The following SYCP2L variants were observed in gnomAD, a reference collection of about 807,000 sequenced individuals.
The protein encoded by SYCP2L is synaptonemal complex protein 2-like.
A neutral mutation model predicts 125.8 loss-of-function variants in SYCP2L; 98 were observed. The observed-to-expected ratio is 0.78, with a 90% CI of 0.66 to 0.92. The LOEUF is 0.92. SYCP2L is among the 40% of genes least tolerant of loss of function. The pLI, the probability that SYCP2L is intolerant of heterozygous loss-of-function variation, is 0.00. For missense variants in SYCP2L, 842 were observed against 936.4 expected (o/e 0.90, Z 1.32); for synonymous variants, 317 against 325.4 (o/e 0.97, Z 0.28).
rs1780483461 is a variant in SYCP2L at position 10,906,059 on chromosome 6, G to A, written c.676+5G>A. 1.9e-6 allele frequency: 3 copies of A among 1,581,968 alleles called. No individual in the cohort carries two copies. The highest frequency in any genetic ancestry group is 2.6e-6 in the Non-Finnish European group (3 of 1,152,586). On this transcript the variant is annotated splice_donor_5th_base_variant and intron_variant, in intron 9 of 29. Coordinates refer to ENST00000283141, the MANE Select transcript of SYCP2L (RefSeq NM_001040274.3). ...GGACACTCTTGACTGTGGGTGGTAA[G>A]AAATTTTAGAATTTTCAGTATTAGA... is the stretch of plus-strand genomic sequence containing the variant.
At position 10,954,069 on chromosome 6, in the gene SYCP2L, G is replaced by A. The variant is rs1219999727; in HGVS notation, c.1955-1047G>A. Among the ~76,000 whole-genome samples, 1 of 152,178 alleles carries A rather than the reference G, an allele frequency of 6.6e-6. No homozygotes were observed. The highest frequency in any genetic ancestry group is 1.5e-5 in the Non-Finnish European group (1 of 68,030). On this transcript the variant is annotated intron_variant, in intron 23 of 29. Transcript: ENST00000283141. The surrounding 1 kb of genome is among the most constrained non-coding windows in gnomAD (Gnocchi z 4.8). ...CCTCTCACTATCTGCCAGCCGCATC[G>A]CCCTGCCTCTCGCACATAGTAACGT... is the stretch of plus-strand genomic sequence containing the variant.
chr6:10,931,685 C>T (rs1045290624), intron 20 of SYCP2L, among the ~76,000 whole-genome samples, 196 bp downstream of exon 20: 1 of 152,128 alleles, frequency 6.6e-6, no homozygotes, highest in African/African-American at 2.4e-5. Context: ...GTGTTTTAGG[C>T]TGGGTGTGGT....
Position 10,887,079 on chromosome 6 carries a change from G to A in SYCP2L, c.-48G>A, listed in dbSNP as rs778284178. 1.2e-6 allele frequency: 2 copies of A among 1,613,264 alleles called. No individual in the cohort carries two copies. Among genetic ancestry groups the A allele is most frequent in the Non-Finnish European group, 8.5e-7 (1 of 1,179,454 alleles). ...GGAAGCAGGAGAGGGCCGACCGAGC[G>A]CAACAAAGCTGAGCGGCGCGTCGCT... On this transcript the variant is annotated 5_prime_UTR_variant, in exon 1 of 30. Coordinates refer to ENST00000283141, the MANE Select transcript of SYCP2L (RefSeq NM_001040274.3).
intron 14 of SYCP2L, among the ~76,000 whole-genome samples, chr6:10,913,240 G>C (rs1209811390): frequency 6.6e-6 from 1 of 152,208 alleles, no homozygotes; most frequent in Non-Finnish European, 1.5e-5. Flanking sequence ...TGGTTTGAAA[G>C]AGTCTGATGG....
chr6:10,897,968 A>G lies in SYCP2L; in HGVS notation c.337-43A>G, dbSNP rs771429241. ...TCTTGTGCAATTTTATTGAATAGGC[A>G]GCATTTAGTCTTATGTAGTTACGTT... On this transcript the variant is annotated intron_variant, in intron 4 of 29. Transcript: ENST00000283141. The G allele has an allele frequency of 1.3e-5, 16 of 1,218,882 alleles. 1 individual carries two copies. The South Asian group carries it at 1.8e-4, about 14-fold the overall frequency. 75.5% of individuals were successfully genotyped at this position (1,218,882 alleles called of 1,614,324 possible).
chr6:10,921,291 T>G (rs1186381835), intron 14 of SYCP2L, among the ~76,000 whole-genome samples: 1 of 152,186 alleles, frequency 6.6e-6, no homozygotes, highest in Non-Finnish European at 1.5e-5. Flanking sequence ...TGATGGGAAT[T>G]TAGATTGATT....
Position 10,966,435 on chromosome 6 carries a change from T to G in SYCP2L, c.*37+2592T>G, listed in dbSNP as rs538295594. Among the ~76,000 whole-genome samples, 115 of 152,314 alleles carry G rather than the reference T, an allele frequency of 7.6e-4. No homozygotes were observed. In the South Asian group the frequency reaches 0.019, roughly 25 times the overall value. On this transcript the variant is annotated intron_variant, in intron 29 of 29. Coordinates refer to ENST00000283141, the MANE Select transcript of SYCP2L (RefSeq NM_001040274.3). ...TAAATCTCAGTCCAAAAGCCAGTAT[T>G]CTGCTTAATCGTGAAATTCTAAATG... is the stretch of plus-strand genomic sequence containing the variant.
At chr6:10,962,689 T>TAAATAACA in intron 28 of SYCP2L, among the ~76,000 whole-genome samples, 2 of 152,160 alleles carry the variant, frequency 1.3e-5, no homozygotes, top group Non-Finnish European at 2.9e-5. Flanking sequence ...CAGATTTATA[T>TAAATAACA]GAAAAATAAC....
At chr6:10,928,915 CTTTTTTTTT>C in intron 18 of SYCP2L, among the ~76,000 whole-genome samples, 1 of 141,676 alleles carries the variant, frequency 7.1e-6, no homozygotes, top group East Asian at 2.0e-4. Context: ...CTTTTCTTTA[CTTTTTTTTT>C]TTTTTTAAGA....
Position 10,894,191 on chromosome 6 carries a change from G to C in SYCP2L, c.323G>C (p.Gly108Ala), listed in dbSNP as rs981018739. Residue 108 changes from glycine to alanine, a missense_variant, in exon 4 of 30, where the codon GGA (glycine) becomes GCA (alanine). By Grantham distance (60) the Gly-to-Ala change is moderately conservative. Coordinates refer to ENST00000283141, the MANE Select transcript of SYCP2L (RefSeq NM_001040274.3). Reference sequence around the variant, plus strand: ...GATGAACCTCTGCTAATTCGGCAGGGACTGATCCCAAAGATAAGTGTCCTA... The same window carrying C: ...GATGAACCTCTGCTAATTCGGCAGGCACTGATCCCAAAGATAAGTGTCCTA... ...KEDEPLLIRQ[G>A]LIPKLVSWFE... The C allele has an allele frequency of 5.6e-6, 9 of 1,612,820 alleles. No individual in the cohort carries two copies. The highest frequency in any genetic ancestry group is 1.7e-5 in the Admixed American group (1 of 59,694).
intron 21 of SYCP2L, among the ~76,000 whole-genome samples, chr6:10,941,245 A>G (rs1293459222): frequency 2.6e-5 from 4 of 152,240 alleles, no homozygotes; most frequent in East Asian, 3.9e-4. Flanking sequence ...GGCATGGGCA[A>G]GGACTTCGTG....
chr6:10,929,453 A>G (rs1036506808), intron 18 of SYCP2L, among the ~76,000 whole-genome samples: 4 of 152,232 alleles, frequency 2.6e-5, no homozygotes, highest in Non-Finnish European at 5.9e-5. Context: ...CAAGCTCCAT[A>G]TTAAAATCAA....
intron 8 of SYCP2L, 62 bp downstream of exon 8, chr6:10,903,025 C>T: frequency 7.3e-7 from 1 of 1,365,798 alleles, no homozygotes; most frequent in Non-Finnish European, 1.0e-6. Flanking sequence ...GAGTGTATGG[C>T]TTCAGTCTGT....
chr6:10,935,523 TTTTTCTTTTC>T (rs796833467), intron 21 of SYCP2L, among the ~76,000 whole-genome samples: 20 of 152,216 alleles, frequency 1.3e-4, no homozygotes, highest in African/African-American at 4.3e-4. Context: ...ATATGGTTTC[TTTTTCTTTTC>T]TTTTTTTTTG....
chr6:10,924,452 T>C (rs758237902), intron 14 of SYCP2L, 44 bp from the exon 15 acceptor site: 1 of 1,429,242 alleles, frequency 7.0e-7, no homozygotes, highest in East Asian at 2.5e-5. Context: ...AAATAAAACA[T>C]TGAAGTATGT....
chr6:10,955,359 T>C (rs1781485103), intron 24 of SYCP2L, 142 bp downstream of exon 24: 1 of 574,086 alleles, frequency 1.7e-6, no homozygotes, highest in Non-Finnish European at 3.1e-6. Flanking sequence ...CTTTTGTGCT[T>C]TTGGAGACAA....
chr6:10,915,530 AG>A (rs1198935151), intron 14 of SYCP2L, among the ~76,000 whole-genome samples: 3 of 152,208 alleles, frequency 2.0e-5, no homozygotes, highest in African/African-American at 7.2e-5. Context: ...TTAATCATAA[AG>A]GGATGCTGGA....
rs777143895 is a variant in SYCP2L at position 10,907,548 on chromosome 6, A to C, written c.683A>C (p.Asp228Ala). ...ARTLLTVGDY[D>A]QQVAISEALC... ...CTATGTTTTTAATCTCTAGATTATGACCAGCAGGTTGCTATTTCTGAAGCG... is the reference window on the plus strand; with the variant it reads ...CTATGTTTTTAATCTCTAGATTATGCCCAGCAGGTTGCTATTTCTGAAGCG... Residue 228 changes from aspartate to alanine, a missense_variant, in exon 10 of 30, where the codon GAC (aspartate) becomes GCC (alanine). By Grantham distance (126) the Asp-to-Ala change is moderately radical. Transcript: ENST00000283141. 6.2e-7 allele frequency: 1 copy of C among 1,611,510 alleles called. No individual in the cohort carries two copies. The highest frequency in any genetic ancestry group is 8.5e-7 in the Non-Finnish European group (1 of 1,179,038).
chr6:10,971,888 C>T (rs1025897461), intron 29 of SYCP2L, among the ~76,000 whole-genome samples: 1 of 152,100 alleles, frequency 6.6e-6, no homozygotes, highest in South Asian at 2.1e-4. Context: ...GTTGGCCAGG[C>T]TGGTCTTGAA....
Sources: allele counts gnomAD v4.1 joint callset (sites outside exome capture counted in the v4.1 genomes callset), GRCh38; gene constraint gnomAD v4.1.1; non-coding constraint Gnocchi (gnomAD v3.1); transcripts MANE v1.5; gene names NCBI Gene and HGNC (gene_info 2026-07-23, HGNC 2026-07-21).